MYOF: variants seen among roughly 807,000 people sequenced by gnomAD.
The protein encoded by MYOF is fer-1-like 3, myoferlin.
A neutral mutation model predicts 284.2 loss-of-function variants in MYOF; 244 were observed. The ratio of observed to expected loss-of-function variants is 0.86; its 90% CI spans 0.77 to 0.95. The LOEUF is 0.95. Ranked by LOEUF, MYOF falls within the 40% of genes least tolerant of loss-of-function variation. The pLI is 0.00. For synonymous variants in MYOF, 904 were observed against 919.7 expected (o/e 0.98, Z 0.31); for missense variants, 2,496 against 2,560.6 (o/e 0.97, Z 0.54).
intron 29 of MYOF, among the ~76,000 whole-genome samples, chr10:93,358,789 G>C (rs1437822188): frequency 6.6e-6 from 1 of 152,142 alleles, no homozygotes; most frequent in Non-Finnish European, 1.5e-5. Flanking sequence ...ACACACACTG[G>C]GGCCGGCGGG....
Position 93,397,451 on chromosome 10 carries a change from A to G in MYOF, c.1227T>C (p.Cys409=). ...VEVSFAGKKV[C]TNIIEKNANP... ...TTGCATTTTTCTCAATTATGTTTGT[A>G]CAAACCTGTAAAATCACCAAAGCAA... Residue 409 remains cysteine (C), a synonymous_variant, in exon 14 of 54, where the codon TGT becomes TGC. Coordinates refer to ENST00000359263, the MANE Select transcript of MYOF (RefSeq NM_013451.4). The G allele has an allele frequency of 1.2e-6, 2 of 1,606,406 alleles. No homozygotes were observed. Among genetic ancestry groups the G allele is most frequent in the Non-Finnish European group, 1.7e-6 (2 of 1,178,014 alleles).
intron 4 of MYOF, among the ~76,000 whole-genome samples, chr10:93,430,262 C>G (rs937151560): frequency 1.3e-5 from 2 of 150,946 alleles, no homozygotes; most frequent in African/African-American, 4.8e-5. Context: ...AGGCTGTGAC[C>G]AGAAAACATC....
At chr10:93,367,334 G>C (rs559300156) in intron 25 of MYOF, among the ~76,000 whole-genome samples, 1 of 152,314 alleles carries the variant, frequency 6.6e-6, no homozygotes, top group South Asian at 2.1e-4. Flanking sequence ...ATCCAAACTA[G>C]AATTTCCAAT....
chr10:93,337,888 C>T lies in MYOF; in HGVS notation c.4364G>A (p.Ser1455Asn), dbSNP rs1437208053. ...TTCCCCTGAGGAAGCATAAAATTTA[C>T]TCCACCAGTCCACGATTTCTTCCTC... ...EKEEEIVDWW[S>N]KFYASSGEHE... is the part of the protein sequence containing the mutation. Residue 1455 changes from serine to asparagine, a missense_variant, in exon 40 of 54, where the codon AGT (serine) becomes AAT (asparagine). Around this residue, in one of 3 missense-constraint regions of MYOF, gnomAD observed 2,436 missense variants for 2,480.7 expected, o/e 0.98. Transcript: ENST00000359263. 7 of 1,613,946 alleles carry T rather than the reference C, an allele frequency of 4.3e-6. No homozygotes were observed. The highest frequency in any genetic ancestry group is 5.9e-6 in the Non-Finnish European group (7 of 1,179,976).
chr10:93,354,775 T>G (rs1224029088), intron 31 of MYOF, among the ~76,000 whole-genome samples: 1 of 151,782 alleles, frequency 6.6e-6, no homozygotes, highest in African/African-American at 2.4e-5. Context: ...CAAATCTCTC[T>G]AGTGCTTACA....
At chr10:93,445,733 G>C (rs541638805) in intron 3 of MYOF, among the ~76,000 whole-genome samples, 2 of 152,340 alleles carry the variant, frequency 1.3e-5, no homozygotes, top group Non-Finnish European at 2.9e-5. Flanking sequence ...GCTGGGAACT[G>C]TTTGCTAATA....
chr10:93,459,606 T>C (rs1163501445), intron 1 of MYOF, among the ~76,000 whole-genome samples: 4 of 152,328 alleles, frequency 2.6e-5, no homozygotes, highest in South Asian at 2.1e-4. Flanking sequence ...CAGTGCCTTA[T>C]TGGAAGCTGT....
Position 93,429,768 on chromosome 10 carries a change from G to A in MYOF, c.345+1640C>T, listed in dbSNP as rs11187423. On this transcript the variant is annotated intron_variant, in intron 4 of 53. Transcript: ENST00000359263. ...AAGAAAAATAAATTGATTGGAAAAT[G>A]AAGGGGTTGGAAGTTATGGGCCAAG... Among the ~76,000 whole-genome samples the A allele has an allele frequency of 0.062, 9,469 of 152,100 alleles. 1,270 individuals are homozygous for A. In the East Asian group the frequency reaches 0.64, roughly 10 times the overall value.
Position 93,440,134 on chromosome 10 carries a change from C to T in MYOF, c.237-8618G>A, listed in dbSNP as rs2056198389. Among the ~76,000 whole-genome samples the T allele has an allele frequency of 2.0e-5, 3 of 152,170 alleles. No homozygotes were observed. The South Asian group carries it at 6.2e-4, about 32-fold the overall frequency. On this transcript the variant is annotated intron_variant, in intron 3 of 53. Coordinates refer to ENST00000359263, the MANE Select transcript of MYOF (RefSeq NM_013451.4). ...AACCCATTATAAAAGATTCCCCAGGCTGGGTGCAGTGGCTCATGCCTGTAA... is the reference window on the plus strand; with the variant it reads ...AACCCATTATAAAAGATTCCCCAGGTTGGGTGCAGTGGCTCATGCCTGTAA...
intron 5 of MYOF, among the ~76,000 whole-genome samples, chr10:93,419,217 C>A (rs920712612): frequency 1.3e-5 from 2 of 151,702 alleles, no homozygotes; most frequent in Admixed American, 1.3e-4. Context: ...GGCTAGAGTG[C>A]CATGGCGCAA....
chr10:93,394,546 C>T lies in MYOF; in HGVS notation c.1418-1591G>A, dbSNP rs541669889. ...CGCGATCTCGGCTCACTGCAAGCTC[C>T]GCCTCCCTGGCTCACGCCATTCTCC... is the stretch of plus-strand genomic sequence containing the variant. On this transcript the variant is annotated intron_variant, in intron 16 of 53. Transcript: ENST00000359263. Among the ~76,000 whole-genome samples, 596 of 145,938 alleles carry T rather than the reference C, an allele frequency of 4.1e-3. 7 individuals carry two copies. Among genetic ancestry groups the T allele is most frequent in the African/African-American group, 0.014 (554 of 40,282 alleles).
intron 5 of MYOF, among the ~76,000 whole-genome samples, chr10:93,415,790 G>A (rs1280668164): frequency 6.6e-6 from 1 of 152,110 alleles, no homozygotes; most frequent in Admixed American, 6.5e-5. Context: ...TACGTTCATC[G>A]GTTTCCCCCT....
Position 93,404,179 on chromosome 10 carries a change from A to G in MYOF, c.770T>C (p.Met257Thr), listed in dbSNP as rs1847435586. 1 of 1,614,194 alleles carries G rather than the reference A, an allele frequency of 6.2e-7. No individual in the cohort carries two copies. Residue 257 changes from methionine (M) to threonine (T), a missense_variant, in exon 8 of 54, where the codon ATG becomes ACG. Physicochemically the swap from Met to Thr is moderately conservative, Grantham distance 81 (BLOSUM62 -1). Coordinates refer to ENST00000359263, the MANE Select transcript of MYOF (RefSeq NM_013451.4). ...YNVNMTPSELMDEIISIRVYN... is the reference protein window; with the variant it reads ...YNVNMTPSELTDEIISIRVYN... ...TACCCGGATGCTGATGATCTCATCC[A>G]TCAATTCAGAAGGGGTCATGTTGAC... is the stretch of plus-strand genomic sequence containing the variant.
chr10:93,380,885 G>A (rs1414122212), intron 20 of MYOF, among the ~76,000 whole-genome samples: 2 of 152,164 alleles, frequency 1.3e-5, no homozygotes, highest in East Asian at 3.9e-4. Context: ...AGAAAGATTT[G>A]GGGCTTCGTA....
chr10:93,450,664 C>T (rs1349561108), intron 3 of MYOF, among the ~76,000 whole-genome samples: 1 of 152,210 alleles, frequency 6.6e-6, no homozygotes, highest in Non-Finnish European at 1.5e-5. Context: ...GGACAGCAAA[C>T]CAGGACTGTC....
intron 43 of MYOF, among the ~76,000 whole-genome samples, chr10:93,330,666 G>A (rs1843256309): frequency 6.6e-6 from 1 of 152,094 alleles, no homozygotes; most frequent in Non-Finnish European, 1.5e-5. Context: ...ATGCTAGAGG[G>A]TGGGCTTTGG....
chr10:93,462,600 C>T (rs781466473), intron 1 of MYOF, among the ~76,000 whole-genome samples: 13 of 152,094 alleles, frequency 8.5e-5, no homozygotes, highest in Admixed American at 2.0e-4. Flanking sequence ...TAAGGAAAAA[C>T]TAAGTGGCTG....
chr10:93,424,272 A>G (rs905791655), intron 5 of MYOF, among the ~76,000 whole-genome samples: 8 of 152,202 alleles, frequency 5.3e-5, no homozygotes, highest in Non-Finnish European at 1.2e-4. Flanking sequence ...CAGATAGCCC[A>G]TCAATGAGGG....
At chr10:93,380,805 A>T (rs1055774341) in intron 20 of MYOF, among the ~76,000 whole-genome samples, 2 of 152,238 alleles carry the variant, frequency 1.3e-5, no homozygotes, top group African/African-American at 4.8e-5. Flanking sequence ...TGAGTAACAG[A>T]GTGAAGACCA....
Sources: allele counts gnomAD v4.1 joint callset (sites outside exome capture counted in the v4.1 genomes callset), GRCh38; gene constraint gnomAD v4.1.1; regional missense constraint gnomAD v4.1.1; transcripts MANE v1.5; gene names NCBI Gene and HGNC (gene_info 2026-07-23, HGNC 2026-07-21).